The following GFRA1 variants were observed in gnomAD, a reference collection of about 807,000 sequenced individuals.
GFRA1 encodes GDNF family receptor alpha 1, also known as GDNF family receptor alpha-1.
Under a neutral mutation model 51.6 loss-of-function variants are expected in GFRA1, and 16 were observed. That is an observed-to-expected ratio of 0.31 (90% CI 0.21 to 0.47). GFRA1 has a LOEUF of 0.47. Among genes scored for constraint, GFRA1 ranks in the 20% least tolerant of loss-of-function variants. The probability of loss-of-function intolerance (pLI) is 1.00; values close to 1 mark genes in which losing one functional copy is unlikely to be tolerated. For missense variants in GFRA1, 530 were observed against 594.3 expected, an observed-to-expected ratio of 0.89 and a Z score of 1.13; for synonymous variants, 270 against 241.3, an observed-to-expected ratio of 1.12 and a Z score of -1.10.
chr10:116,061,757 C>A lies in GFRA1; in HGVS notation c.*2641G>T. On this transcript the variant is annotated 3_prime_UTR_variant, in exon 11 of 11. Coordinates refer to ENST00000355422, the MANE Select transcript of GFRA1 (RefSeq NM_005264.8). ...GACAGGAAGTAGCGAATCATTTTTG[C>A]TTTTAAGCACGCCAAGAAGAAGTGA... 1 of 375,774 alleles carries A rather than the reference C, an allele frequency of 2.7e-6. No individual in the cohort carries two copies. Among genetic ancestry groups the A allele is most frequent in the Non-Finnish European group, 4.7e-6 (1 of 211,938 alleles). 23.3% of individuals were successfully genotyped at this position (375,774 alleles called of 1,614,324 possible).
At chr10:116,116,566 T>A (rs1259042640) in intron 6 of GFRA1, among the ~76,000 whole-genome samples, 1 of 152,208 alleles carries the variant, frequency 6.6e-6, no homozygotes, top group Non-Finnish European at 1.5e-5. Flanking sequence ...CACCCACACA[T>A]GCAGGACCCT....
At position 116,272,056 on chromosome 10, in the gene GFRA1, C is replaced by T. The variant is rs1172756819; in HGVS notation, c.-27G>A. The T allele has an allele frequency of 5.8e-6, 9 of 1,545,734 alleles. No homozygotes were observed. In the African/African-American group the frequency reaches 6.9e-5, roughly 12 times the overall value. On this transcript the variant is annotated 5_prime_UTR_variant, in exon 2 of 11. Transcript: ENST00000355422. This position sits in a 1 kb window ranked among gnomAD's most constrained non-coding sequence, Gnocchi z 4.4. ...GTGCCGGCGCGGGGCTGGTCCCCGC[C>T]CCCCCAAAAAAATCCCGAGCCGCCG... is the stretch of plus-strand genomic sequence containing the variant.
At position 116,060,103 on chromosome 10, in the gene GFRA1, A is replaced by C. The variant is rs2133735249; in HGVS notation, c.*4295T>G. On this transcript the variant is annotated 3_prime_UTR_variant, in exon 11 of 11. Coordinates refer to ENST00000355422, the MANE Select transcript of GFRA1 (RefSeq NM_005264.8). Reference sequence around the variant, plus strand: ...CATCCCAGGACGGAGGGAGTGGAAAAAAACACAGATTTAAAGCCTCTGCAG... The same window carrying C: ...CATCCCAGGACGGAGGGAGTGGAAACAAACACAGATTTAAAGCCTCTGCAG... 1 of 152,256 alleles carries C rather than the reference A, an allele frequency of 6.6e-6. No homozygotes were observed. Among genetic ancestry groups the C allele is most frequent in the East Asian group, 1.9e-4 (1 of 5,176 alleles). The allele number at this position is 152,256 out of a possible 1,614,324, so 9.4% of individuals were successfully genotyped here.
At chr10:116,241,869 C>G (rs535436413) in intron 4 of GFRA1, among the ~76,000 whole-genome samples, 19 of 152,200 alleles carry the variant, frequency 1.2e-4, no homozygotes, top group African/African-American at 4.3e-4. Flanking sequence ...TACTGGAAGG[C>G]AGCACATAGT....
intron 4 of GFRA1, among the ~76,000 whole-genome samples, chr10:116,256,116 A>G (rs1170763318): frequency 6.6e-6 from 1 of 152,104 alleles, no homozygotes; most frequent in African/African-American, 2.4e-5. Flanking sequence ...ACTTGTAGCA[A>G]CCTTATGAAC....
intron 6 of GFRA1, 133 bp downstream of exon 6, chr10:116,125,088 C>CCATTCAAA (rs1957797746): frequency 3.9e-6 from 3 of 778,972 alleles, no homozygotes; most frequent in Non-Finnish European, 6.6e-6. Context: ...TTTTGCCAAT[C>CCATTCAAA]CATTCAAATG....
chr10:116,101,953 A>C (rs370197153), intron 6 of GFRA1, among the ~76,000 whole-genome samples: 1 of 152,230 alleles, frequency 6.6e-6, no homozygotes, highest in African/African-American at 2.4e-5. Flanking sequence ...TGGAAAACCC[A>C]CTTGTTTTCA....
chr10:116,185,635 C>G (rs530221041), intron 5 of GFRA1, among the ~76,000 whole-genome samples: 29 of 152,318 alleles, frequency 1.9e-4, no homozygotes, highest in African/African-American at 6.0e-4. Flanking sequence ...TATTTATGCT[C>G]TGGAGCCCCT....
At chr10:116,191,844 TG>T (rs35592598) in intron 5 of GFRA1, among the ~76,000 whole-genome samples, 72,971 of 151,702 alleles carry the variant, frequency 0.48, 18,585 homozygotes, top group Middle Eastern at 0.61. Flanking sequence ...CTGGCCAACA[TG>T]GTGAAACCCC....
intron 6 of GFRA1, among the ~76,000 whole-genome samples, chr10:116,115,610 G>C (rs771335069): frequency 6.6e-6 from 1 of 152,110 alleles, no homozygotes. Flanking sequence ...ATTTCCCCAC[G>C]CGAAGATGAG....
chr10:116,166,780 CTTTTTTTTTTTTTT>C (rs530399969), intron 5 of GFRA1, among the ~76,000 whole-genome samples: 13 of 76,444 alleles, frequency 1.7e-4, no homozygotes, highest in East Asian at 8.4e-4. Context: ...CAACAATCTT[CTTTTTTTTTTTTTT>C]TTTTTTTTTT....
intron 4 of GFRA1, among the ~76,000 whole-genome samples, chr10:116,252,891 A>G (rs1451270179): frequency 6.6e-6 from 1 of 152,218 alleles, no homozygotes; most frequent in Non-Finnish European, 1.5e-5. Flanking sequence ...AAGTTATGAA[A>G]GGATGAAGTC....
intron 5 of GFRA1, among the ~76,000 whole-genome samples, chr10:116,189,749 T>C (rs1963079941): frequency 6.6e-6 from 1 of 152,256 alleles, no homozygotes; most frequent in Admixed American, 6.5e-5. Context: ...ACAGTTTATA[T>C]TTCCAGTGTT....
chr10:116,240,814 C>A (rs1339443674), intron 4 of GFRA1, among the ~76,000 whole-genome samples: 3 of 152,234 alleles, frequency 2.0e-5, no homozygotes, highest in African/African-American at 7.2e-5. Flanking sequence ...AAGGAATAAA[C>A]GAATGAATAG....
intron 5 of GFRA1, among the ~76,000 whole-genome samples, chr10:116,201,345 A>C (rs1207228943): frequency 6.6e-6 from 1 of 152,210 alleles, no homozygotes; most frequent in Non-Finnish European, 1.5e-5. Context: ...GTTAGGGGGC[A>C]GAAGAAAACA....
chr10:116,155,617 G>A (rs1464628632), intron 5 of GFRA1, among the ~76,000 whole-genome samples: 1 of 152,150 alleles, frequency 6.6e-6, no homozygotes, highest in Admixed American at 6.5e-5. Context: ...TATCCTTAAA[G>A]CATGGTCAGG....
intron 6 of GFRA1, among the ~76,000 whole-genome samples, chr10:116,097,181 T>C (rs1319366130): frequency 1.3e-5 from 2 of 152,212 alleles, no homozygotes; most frequent in African/African-American, 4.8e-5. Context: ...CAGAAACGTG[T>C]CCCTGGCATC....
At chr10:116,196,668 A>AG (rs1210461584) in intron 5 of GFRA1, among the ~76,000 whole-genome samples, 4 of 42,594 alleles carry the variant, frequency 9.4e-5, no homozygotes, top group Non-Finnish European at 1.2e-4. Flanking sequence ...AGTACTATAT[A>AG]TAATATATAT....
chr10:116,205,920 C>G (rs950671887), intron 5 of GFRA1, among the ~76,000 whole-genome samples: 1 of 112,196 alleles, frequency 8.9e-6, no homozygotes, highest in East Asian at 3.1e-4. Flanking sequence ...TATCATTTTC[C>G]TCATATCACA....
Sources: gnomAD v4.1 joint callset for allele counts (sites outside exome capture counted in the v4.1 genomes callset) on GRCh38, gnomAD v4.1.1 for gene constraint, Gnocchi (gnomAD v3.1) non-coding constraint, MANE v1.5 for transcripts, NCBI Gene and HGNC (gene_info 2026-07-23, HGNC 2026-07-21) for gene names.